Variants in MGAT4C observed in about 807,000 individuals in gnomAD.
The protein encoded by MGAT4C is alpha-1,3-mannosyl-glycoprotein 4-beta-N-acetylglucosaminyltransferase C.
In MGAT4C, 19 loss-of-function variants were observed where a neutral mutation model predicts 40.1. That is an observed-to-expected ratio of 0.47 (90% CI 0.33 to 0.70). The LOEUF (loss-of-function observed/expected upper bound fraction) is 0.70. MGAT4C is among the 30% of genes least tolerant of loss of function. The pLI is 0.02. For synonymous variants in MGAT4C, 181 were observed against 187.1 expected (o/e 0.97, Z 0.27); for missense variants, 491 against 563.2 (o/e 0.87, Z 1.30).
chr12:86,353,470 A>G (rs1955225985), intron 3 of MGAT4C, among the ~76,000 whole-genome samples: 1 of 152,214 alleles, frequency 6.6e-6, no homozygotes, highest in South Asian at 2.1e-4. Context: ...AATGTGCAGC[A>G]GACACAGTCA....
intron 1 of MGAT4C, among the ~76,000 whole-genome samples, chr12:86,792,653 C>T (rs1052473686): frequency 2.1e-4 from 32 of 152,194 alleles, no homozygotes; most frequent in South Asian, 8.3e-4. Flanking sequence ...TGGTTGTGGC[C>T]GGGCGCAGTG....
intron 3 of MGAT4C, among the ~76,000 whole-genome samples, chr12:86,430,237 T>C (rs1456073119): frequency 6.6e-6 from 1 of 152,214 alleles, no homozygotes; most frequent in Non-Finnish European, 1.5e-5. Context: ...TTTTGATTTA[T>C]CTGCTACAGA....
chr12:86,271,359 AG>A (rs1457973037), intron 4 of MGAT4C, among the ~76,000 whole-genome samples: 1 of 152,204 alleles, frequency 6.6e-6, no homozygotes, highest in East Asian at 1.9e-4. Context: ...CAGCGGGCAA[AG>A]GACATGAATA....
chr12:86,248,015 T>G (rs1283889584), intron 1 of MGAT4C, among the ~76,000 whole-genome samples: 1 of 152,104 alleles, frequency 6.6e-6, no homozygotes, highest in Non-Finnish European at 1.5e-5. Flanking sequence ...GTTATCCTCC[T>G]TATTCAAAGG....
chr12:86,653,192 G>A (rs1963743442), intron 2 of MGAT4C, among the ~76,000 whole-genome samples: 1 of 151,806 alleles, frequency 6.6e-6, no homozygotes, highest in Non-Finnish European at 1.5e-5. Flanking sequence ...AGTTTTCAGT[G>A]TAGTCAGATT....
chr12:86,593,481 C>G (rs1403739578), intron 2 of MGAT4C, among the ~76,000 whole-genome samples: 1 of 151,914 alleles, frequency 6.6e-6, no homozygotes, highest in Non-Finnish European at 1.5e-5. Flanking sequence ...GATTTGAGAT[C>G]CTTCTTTTTC....
At chr12:86,370,606 C>T (rs1324541737) in intron 3 of MGAT4C, among the ~76,000 whole-genome samples, 4 of 151,872 alleles carry the variant, frequency 2.6e-5, no homozygotes, top group Admixed American at 2.6e-4. Context: ...ATAGATTTAC[C>T]GATTTAAAAG....
chr12:86,021,703 C>T (rs558669515), intron 2 of MGAT4C, among the ~76,000 whole-genome samples: 60 of 152,012 alleles, frequency 3.9e-4, no homozygotes, highest in African/African-American at 1.3e-3. Context: ...CAAACCTGCA[C>T]GTTGTGCACA....
At chr12:86,263,512 AT>A (rs1220773507) in intron 4 of MGAT4C, among the ~76,000 whole-genome samples, 4 of 152,138 alleles carry the variant, frequency 2.6e-5, no homozygotes, top group African/African-American at 7.2e-5. Context: ...ATAATTTCAT[AT>A]TTTTTTGGCT....
At chr12:86,379,109 A>G (rs1955882858) in intron 3 of MGAT4C, among the ~76,000 whole-genome samples, 1 of 152,136 alleles carries the variant, frequency 6.6e-6, no homozygotes, top group Non-Finnish European at 1.5e-5. Flanking sequence ...GTATAACCTT[A>G]AGGTTCTCAG....
At chr12:86,758,941 T>C (rs1229579531) in intron 1 of MGAT4C, among the ~76,000 whole-genome samples, 1 of 152,074 alleles carries the variant, frequency 6.6e-6, no homozygotes, top group African/African-American at 2.4e-5. Context: ...ACTGCATTAC[T>C]GTTAACTCTA....
intron 1 of MGAT4C, among the ~76,000 whole-genome samples, chr12:86,178,084 C>T (rs1288976730): frequency 6.6e-6 from 1 of 151,976 alleles, no homozygotes; most frequent in Non-Finnish European, 1.5e-5. Flanking sequence ...CTACAGGTGC[C>T]CACCACCATG....
chr12:86,518,644 C>A (rs1565821499), intron 2 of MGAT4C, among the ~76,000 whole-genome samples: 2 of 152,168 alleles, frequency 1.3e-5, no homozygotes, highest in Non-Finnish European at 1.5e-5. Flanking sequence ...GAAAGTTTAA[C>A]ATATGCTTAT....
intron 2 of MGAT4C, among the ~76,000 whole-genome samples, chr12:86,554,164 TCAGG>T (rs1164338815): frequency 6.6e-6 from 1 of 150,734 alleles, no homozygotes; most frequent in Non-Finnish European, 1.5e-5. Flanking sequence ...ACACACGTGT[TCAGG>T]CACTCTCATG....
chr12:86,012,778 AACCACCACCACCACCACCACCACCACC>A (rs1183997849), intron 2 of MGAT4C, among the ~76,000 whole-genome samples: 1 of 136,350 alleles, frequency 7.3e-6, no homozygotes, highest in African/African-American at 2.7e-5. Context: ...CAACAACAAC[AACCACCACCACCACCACCACCACCACC>A]ACCACCACCA....
intron 4 of MGAT4C, among the ~76,000 whole-genome samples, chr12:86,280,597 A>G (rs967478485): frequency 2.0e-5 from 3 of 151,768 alleles, no homozygotes; most frequent in Non-Finnish European, 4.4e-5. Flanking sequence ...TTGCTTTTAA[A>G]TTTCATTATA....
intron 2 of MGAT4C, among the ~76,000 whole-genome samples, chr12:86,640,892 T>C (rs1963359920): frequency 1.3e-5 from 2 of 152,020 alleles, no homozygotes; most frequent in South Asian, 2.1e-4. Context: ...GGTTGTTCAG[T>C]TTCCATGTAG....
intron 2 of MGAT4C, among the ~76,000 whole-genome samples, chr12:86,467,425 T>A (rs1365132912): frequency 2.0e-5 from 3 of 152,174 alleles, no homozygotes; most frequent in Non-Finnish European, 4.4e-5. Flanking sequence ...ACCTTTGCAC[T>A]GTAATATGAA....
chr12:86,236,117 A>C (rs556736652), intron 1 of MGAT4C, among the ~76,000 whole-genome samples: 1 of 152,212 alleles, frequency 6.6e-6, no homozygotes, highest in Admixed American at 6.5e-5. Flanking sequence ...ACAGAAATAC[A>C]TGGTTCATGT....
Sources: gnomAD v4.1 joint callset for allele counts (sites outside exome capture counted in the v4.1 genomes callset) on GRCh38, gnomAD v4.1.1 for gene constraint, MANE v1.5 for transcripts, NCBI Gene and HGNC (gene_info 2026-07-23, HGNC 2026-07-21) for gene names.